Variants in TMEM132E observed in about 807,000 individuals in gnomAD.
TMEM132E encodes transmembrane protein 132E.
In TMEM132E, 49 loss-of-function variants were observed where a neutral mutation model predicts 78.5. The ratio of observed to expected loss-of-function variants is 0.62; its 90% CI spans 0.50 to 0.79. The LOEUF is 0.79. Ranked by LOEUF, TMEM132E falls within the 30% of genes least tolerant of loss-of-function variation. The probability of loss-of-function intolerance (pLI) is 0.00; values close to 1 mark genes in which losing one functional copy is unlikely to be tolerated. For synonymous variants in TMEM132E, 715 were observed against 670.6 expected, an observed-to-expected ratio of 1.07 and a Z score of -1.02; for missense variants, 1,403 against 1,470.9, an observed-to-expected ratio of 0.95 and a Z score of 0.75.
intron 1 of TMEM132E, among the ~76,000 whole-genome samples, chr17:34,615,088 G>A (rs1255577360): frequency 1.3e-5 from 2 of 152,202 alleles, no homozygotes; most frequent in African/African-American, 4.8e-5. Flanking sequence ...CTGGTTTTCA[G>A]TAAGTCTCTC....
Position 34,619,359 on chromosome 17 carries a change from G to T in TMEM132E, c.68-6768G>T, listed in dbSNP as rs570558116. 1.6e-4 allele frequency among the ~76,000 whole-genome samples: 24 copies of T among 151,356 alleles called. No homozygotes were observed. In the South Asian group the frequency reaches 3.7e-3, roughly 24 times the overall value. On this transcript the variant is annotated intron_variant, in intron 1 of 8. Transcript: ENST00000631683. ...TCTTCACCAGCTCTTCCTACTTAGCGCTATGTTCCAAGCATCTGCCATAAT... is the reference window on the plus strand; with the variant it reads ...TCTTCACCAGCTCTTCCTACTTAGCTCTATGTTCCAAGCATCTGCCATAAT...
chr17:34,622,679 C>T (rs2009472), intron 1 of TMEM132E, among the ~76,000 whole-genome samples: 142,867 of 152,256 alleles, frequency 0.94, 67,129 homozygotes, highest in African/African-American at 0.99. Flanking sequence ...CAGTCACTGC[C>T]GGGCTGCTTA....
chr17:34,612,745 G>T (rs1429392859), intron 1 of TMEM132E, among the ~76,000 whole-genome samples: 1 of 152,138 alleles, frequency 6.6e-6, no homozygotes, highest in African/African-American at 2.4e-5. Flanking sequence ...CAACTTCCAG[G>T]CTCACTGCTC....
intron 1 of TMEM132E, among the ~76,000 whole-genome samples, chr17:34,612,877 G>A (rs1906637191): frequency 6.6e-6 from 1 of 152,070 alleles, no homozygotes; most frequent in Admixed American, 6.5e-5. Context: ...GGGGGGCAGT[G>A]GGGTGGGAAA....
intron 1 of TMEM132E, among the ~76,000 whole-genome samples, chr17:34,613,205 ACACACACGCGCG>A (rs1567716004): frequency 1.5e-4 from 16 of 103,594 alleles, no homozygotes. Context: ...ACCCACACAC[ACACACACGCGCG>A]CGCGCGCGCG....
intron 1 of TMEM132E, among the ~76,000 whole-genome samples, chr17:34,584,128 C>T (rs1905585547): frequency 6.6e-6 from 1 of 152,228 alleles, no homozygotes; most frequent in African/African-American, 2.4e-5. Context: ...GGATCAAGGG[C>T]ACACTCATTG....
intron 1 of TMEM132E, among the ~76,000 whole-genome samples, chr17:34,610,486 G>A (rs1906552540): frequency 6.6e-6 from 1 of 152,208 alleles, no homozygotes; most frequent in African/African-American, 2.4e-5. Flanking sequence ...CAGAATGACA[G>A]ATGTGAGCAG....
chr17:34,627,139 T>TTTGGGGGGGGGTGGGGGGGG, intron 2 of TMEM132E, 82 bp downstream of exon 2: 1 of 571,570 alleles, frequency 1.7e-6, no homozygotes, highest in Non-Finnish European at 3.3e-6. Flanking sequence ...GGTTGGGGGG[T>TTTGGGGGGGGGTGGGGGGGG]GGGGGGACCT....
chr17:34,597,360 C>G (rs1906095856), intron 1 of TMEM132E, among the ~76,000 whole-genome samples: 1 of 152,114 alleles, frequency 6.6e-6, no homozygotes. Context: ...GCATCCAGCT[C>G]CTTTATAGAG....
chr17:34,604,824 T>G (rs1329776243), intron 1 of TMEM132E, among the ~76,000 whole-genome samples: 1 of 152,394 alleles, frequency 6.6e-6, no homozygotes, highest in Non-Finnish European at 1.5e-5. Context: ...TGAGCATTTC[T>G]GTGCCAGGCA....
At chr17:34,623,406 C>A (rs956855503) in intron 1 of TMEM132E, among the ~76,000 whole-genome samples, 13 of 151,490 alleles carry the variant, frequency 8.6e-5, no homozygotes, top group South Asian at 2.1e-4. Context: ...CCCGCTCCCC[C>A]CCCCCCCCCC....
chr17:34,630,245 T>C, intron 5 of TMEM132E, 94 bp downstream of exon 5: 1 of 1,397,244 alleles, frequency 7.2e-7, no homozygotes, highest in Non-Finnish European at 9.8e-7. Context: ...TGACTCTTAC[T>C]CATCCTCTAA....
chr17:34,632,228 T>C (rs1160612074), intron 5 of TMEM132E, among the ~76,000 whole-genome samples: 1 of 152,194 alleles, frequency 6.6e-6, no homozygotes, highest in Non-Finnish European at 1.5e-5. Context: ...GTGGAGGACA[T>C]GGGTCTGCCC....
intron 1 of TMEM132E, among the ~76,000 whole-genome samples, chr17:34,622,955 G>A (rs527728142): frequency 8.7e-4 from 133 of 152,230 alleles, no homozygotes; most frequent in Non-Finnish European, 1.1e-3. Context: ...TTAGATAAAT[G>A]ATCAGGAGTA....
chr17:34,626,103 C>G, intron 1 of TMEM132E, 24 bp from the exon 2 acceptor site: 2 of 1,481,736 alleles, frequency 1.3e-6, no homozygotes, highest in Non-Finnish European at 1.8e-6. Context: ...CCACCCTGGG[C>G]CTCTTTCCTC....
At chr17:34,599,212 C>A (rs1318623231) in intron 1 of TMEM132E, among the ~76,000 whole-genome samples, 4 of 152,166 alleles carry the variant, frequency 2.6e-5, no homozygotes, top group Admixed American at 2.6e-4. Flanking sequence ...GGGTTCCCCA[C>A]AGCAAGAGGG....
chr17:34,635,906 C>A, intron 7 of TMEM132E, 101 bp from the exon 8 acceptor site: 1 of 1,204,886 alleles, frequency 8.3e-7, no homozygotes, highest in African/African-American at 1.6e-5. Flanking sequence ...ACCCTTCAGG[C>A]CCCTCTTCCA....
At chr17:34,632,025 T>C (rs764953277) in intron 5 of TMEM132E, among the ~76,000 whole-genome samples, 1 of 152,180 alleles carries the variant, frequency 6.6e-6, no homozygotes, top group Non-Finnish European at 1.5e-5. Context: ...GGAATGCAAG[T>C]CAGTATCCAG....
In TMEM132E at chr17:34,628,993, C is replaced by A; in HGVS notation, c.1146-19C>A. ...CAGCCCTTCATCCTCTGCTCTCCTT[C>A]CCTCCCCTACCCTGGCAGGGAGGGC... On this transcript the variant is annotated intron_variant, in intron 3 of 8. Transcript: ENST00000631683. The A allele has an allele frequency of 6.5e-7, 1 of 1,536,126 alleles. No homozygotes were observed. The highest frequency in any genetic ancestry group is 8.8e-7 in the Non-Finnish European group (1 of 1,139,164).
Sources: gnomAD v4.1 joint callset for allele counts (sites outside exome capture counted in the v4.1 genomes callset) on GRCh38, gnomAD v4.1.1 for gene constraint, MANE v1.5 for transcripts, NCBI Gene and HGNC (gene_info 2026-07-23, HGNC 2026-07-21) for gene names.